The following KDELR2 variants were observed in gnomAD, a reference collection of about 807,000 sequenced individuals.
The protein encoded by KDELR2 is ER lumen protein-retaining receptor 2.
KDELR2 carries 15 observed loss-of-function variants against 23.9 expected under a neutral mutation model. The observed-to-expected ratio is 0.63, with a 90% CI of 0.42 to 0.97. The LOEUF is 0.97. Ranked by LOEUF, KDELR2 falls within the 50% of genes least tolerant of loss-of-function variation. The pLI, the probability that KDELR2 is intolerant of heterozygous loss-of-function variation, is 0.00. For synonymous variants in KDELR2, 119 were observed against 106.2 expected (o/e 1.12, Z -0.74); for missense variants, 272 against 254.6 (o/e 1.07, Z -0.46).
At chr7:6,482,409 T>C (rs981425934) in intron 1 of KDELR2, 2 of 309,540 alleles carry the variant, frequency 6.5e-6, no homozygotes, top group Admixed American at 4.4e-5. Flanking sequence ...GCAGCAGTTA[T>C]TTGCTGTCAC....
rs1785585785 is a variant in KDELR2 at position 6,469,718 on chromosome 7, G to A, written c.229C>T (p.Leu77=). 6.2e-6 allele frequency: 10 copies of A among 1,613,966 alleles called. No individual in the cohort carries two copies. Among genetic ancestry groups the A allele is most frequent in the Non-Finnish European group, 8.5e-6 (10 of 1,179,974 alleles). ...GTTGCCTTAAATTTCAGGTAGATCAGGTACACTGTGGCATAGGAGCAGGCA... is the reference window on the plus strand; with the variant it reads ...GTTGCCTTAAATTTCAGGTAGATCAAGTACACTGTGGCATAGGAGCAGGCA... The part of the protein sequence containing the change: ...YLACSYATVY[L]IYLKFKATYD... The change falls in exon 3 of 5, where the codon CTG becomes TTG. Residue 77 remains leucine, a synonymous_variant. Coordinates refer to ENST00000258739, the MANE Select transcript of KDELR2 (RefSeq NM_006854.4).
chr7:6,483,475 C>T (rs908040416), intron 1 of KDELR2, among the ~76,000 whole-genome samples: 1 of 152,216 alleles, frequency 6.6e-6, no homozygotes, highest in Non-Finnish European at 1.5e-5. Flanking sequence ...TGACCTCTCC[C>T]GGCGCCCGCC....
At chr7:6,469,249 G>GTAA in intron 3 of KDELR2, among the ~76,000 whole-genome samples, 2 of 151,932 alleles carry the variant, frequency 1.3e-5, no homozygotes, top group Non-Finnish European at 2.9e-5. Context: ...ACTACGCCCA[G>GTAA]CCATAACCTC....
intron 1 of KDELR2, among the ~76,000 whole-genome samples, chr7:6,474,873 C>T (rs1785722325): frequency 6.6e-6 from 1 of 152,172 alleles, no homozygotes; most frequent in Admixed American, 6.5e-5. Context: ...CCACACTGGT[C>T]TTGAACTCCT....
Position 6,482,720 on chromosome 7 carries a change from T to C in KDELR2, c.91+1247A>G, listed in dbSNP as rs1358497143. 3 of 266,040 alleles carry C rather than the reference T, an allele frequency of 1.1e-5. No homozygotes were observed. The East Asian group carries it at 3.0e-4, about 27-fold the overall frequency. 16.5% of individuals were successfully genotyped at this position (266,040 alleles called of 1,614,324 possible). A position where few individuals can be genotyped will look rare whatever the true frequency, so the allele number is the denominator to read the frequency against. Reference sequence around the variant, plus strand: ...TTTTACTGCCTCTGAAAAAATTAAGTTCTTGAGTTCAACAAAAATTATTTT... The same window carrying C: ...TTTTACTGCCTCTGAAAAAATTAAGCTCTTGAGTTCAACAAAAATTATTTT... On this transcript the variant is annotated intron_variant, in intron 1 of 4. Transcript: ENST00000258739.
At chr7:6,473,444 T>G (rs1785693683) in intron 2 of KDELR2, among the ~76,000 whole-genome samples, 1 of 152,154 alleles carries the variant, frequency 6.6e-6, no homozygotes, top group Admixed American at 6.6e-5. Flanking sequence ...AGTCCACAAC[T>G]TCCCCCAGTG....
intron 3 of KDELR2, 70 bp downstream of exon 3, chr7:6,469,526 G>A (rs926259926): frequency 2.3e-5 from 34 of 1,462,784 alleles, no homozygotes; most frequent in East Asian, 2.1e-4. Flanking sequence ...ACTCCGCCTC[G>A]GCCTCCCAAA....
intron 2 of KDELR2, among the ~76,000 whole-genome samples, chr7:6,471,199 T>TTG (rs1785630686): frequency 1.1e-5 from 1 of 88,930 alleles, no homozygotes; most frequent in Non-Finnish European, 2.5e-5. Flanking sequence ...TTTTTTTTTT[T>TTG]GAGATGGAGT....
chr7:6,465,241 T>C (rs985850493), intron 4 of KDELR2, among the ~76,000 whole-genome samples: 6 of 150,476 alleles, frequency 4.0e-5, no homozygotes, highest in African/African-American at 1.5e-4. Flanking sequence ...TGGAGTGCAG[T>C]GGCGCGATCT....
rs1785380223 is a variant in KDELR2, at chr7:6,461,159, AC to A, written c.*1981del. ...AACAGTGCTTCATAAGGCGTGGCAT[AC>A]AAGGCCTTGGTTTCCAACGCCGGCG... On this transcript the variant is annotated 3_prime_UTR_variant, in exon 5 of 5. Coordinates refer to ENST00000258739, the MANE Select transcript of KDELR2 (RefSeq NM_006854.4). 1 of 152,226 alleles carries A rather than the reference AC, an allele frequency of 6.6e-6. No homozygotes were observed. The highest frequency in any genetic ancestry group is 2.4e-5 in the African/African-American group (1 of 41,456). The allele number at this position is 152,226 out of a possible 1,614,324, so 9.4% of individuals were successfully genotyped here.
chr7:6,477,012 G>C (rs1785768407), intron 1 of KDELR2, among the ~76,000 whole-genome samples: 1 of 152,180 alleles, frequency 6.6e-6, no homozygotes, highest in African/African-American at 2.4e-5. Flanking sequence ...AAGAAAATGG[G>C]ATTCATTTTA....
intron 1 of KDELR2, among the ~76,000 whole-genome samples, chr7:6,481,038 T>C (rs1785876905): frequency 6.6e-6 from 1 of 152,272 alleles, no homozygotes; most frequent in South Asian, 2.1e-4. Context: ...ATATTTTCCT[T>C]ATATGCTCCT....
Position 6,462,777 on chromosome 7 carries a change from C to G in KDELR2, c.*364G>C. 1 of 505,454 alleles carries G rather than the reference C, an allele frequency of 2.0e-6. No homozygotes were observed. The allele number at this position is 505,454 out of a possible 1,614,324, so 31.3% of individuals were successfully genotyped here. A position where few individuals can be genotyped will look rare whatever the true frequency, so the allele number is the denominator to read the frequency against. ...TCAAGGAGTACAATTTCATTGCAGA[C>G]ACAAAGACTTAAGAGTTTCAAAGAA... On this transcript the variant is annotated 3_prime_UTR_variant, in exon 5 of 5. Coordinates refer to ENST00000258739, the MANE Select transcript of KDELR2 (RefSeq NM_006854.4).
chr7:6,474,839 C>G (rs1008706789), intron 1 of KDELR2, among the ~76,000 whole-genome samples: 2 of 152,088 alleles, frequency 1.3e-5, no homozygotes, highest in Admixed American at 1.3e-4. Flanking sequence ...AATTTTTAAA[C>G]AAATTTTTTG....
intron 2 of KDELR2, among the ~76,000 whole-genome samples, chr7:6,470,997 G>C (rs1048145865): frequency 1.3e-5 from 2 of 151,344 alleles, no homozygotes; most frequent in Non-Finnish European, 3.0e-5. Context: ...GGTGCCTATA[G>C]TTCCAGCTAC....
chr7:6,473,887 T>A (rs1298722255), intron 2 of KDELR2, among the ~76,000 whole-genome samples: 1 of 152,210 alleles, frequency 6.6e-6, no homozygotes. Flanking sequence ...CGCTCTTACT[T>A]ACAGAGTTAT....
rs66801708 is a variant in KDELR2 at position 6,481,969 on chromosome 7, G to GTTTATTTA, written c.91+1990_91+1997dup. On this transcript the variant is annotated intron_variant, in intron 1 of 4. Coordinates refer to ENST00000258739, the MANE Select transcript of KDELR2 (RefSeq NM_006854.4). ...ACAATAGCACCTACCTCCTAAGGTC[G>GTTTATTTA]TTTATTTATTTATTTATTTATTTAT... Among the ~76,000 whole-genome samples, 137 of 147,378 alleles carry GTTTATTTA rather than the reference G, an allele frequency of 9.3e-4. 1 individual carries two copies. Among genetic ancestry groups the GTTTATTTA allele is most frequent in the Admixed American group, 6.4e-3 (94 of 14,658 alleles).
chr7:6,469,211 C>A (rs1785572372), intron 3 of KDELR2, among the ~76,000 whole-genome samples: 1 of 152,064 alleles, frequency 6.6e-6, no homozygotes, highest in Non-Finnish European at 1.5e-5. Flanking sequence ...CTTGGCCTCC[C>A]AAAGTGCTGG....
chr7:6,469,280 C>T (rs998461058), intron 3 of KDELR2, among the ~76,000 whole-genome samples: 12 of 151,326 alleles, frequency 7.9e-5, no homozygotes, highest in African/African-American at 2.7e-4. Context: ...TCCCTCGAGA[C>T]AGTCTTGCTC....
Sources: gnomAD v4.1 joint callset for allele counts (sites outside exome capture counted in the v4.1 genomes callset) on GRCh38, gnomAD v4.1.1 for gene constraint, MANE v1.5 for transcripts, NCBI Gene and HGNC (gene_info 2026-07-23, HGNC 2026-07-21) for gene names.